Variants in RFX3 observed in about 807,000 individuals in gnomAD.
The protein encoded by RFX3 is transcription factor RFX3.
Under a neutral mutation model 98.6 loss-of-function variants are expected in RFX3, and 14 were observed. The observed-to-expected ratio is 0.14, with a 90% CI of 0.09 to 0.22. The LOEUF (loss-of-function observed/expected upper bound fraction) is 0.22. Among genes scored for constraint, RFX3 ranks in the 10% least tolerant of loss-of-function variants. The probability of loss-of-function intolerance (pLI) is 1.00; values close to 1 mark genes in which losing one functional copy is unlikely to be tolerated. For synonymous variants in RFX3, 383 were observed against 328.4 expected (o/e 1.17, Z -1.80); for missense variants, 639 against 926.9 (o/e 0.69, Z 4.03).
At chr9:3,339,679 C>T (rs557893922) in intron 3 of RFX3, among the ~76,000 whole-genome samples, 3 of 152,200 alleles carry the variant, frequency 2.0e-5, no homozygotes, top group South Asian at 4.2e-4. Flanking sequence ...AGGTCCCCGC[C>T]CACATGAAGC....
chr9:3,261,565 G>C (rs554525258), intron 13 of RFX3, among the ~76,000 whole-genome samples: 2 of 152,192 alleles, frequency 1.3e-5, no homozygotes, highest in Non-Finnish European at 2.9e-5. Context: ...CATTTGGGTT[G>C]TTTCTGCTTT....
chr9:3,284,591 T>G (rs1387442907), intron 7 of RFX3, among the ~76,000 whole-genome samples: 1 of 151,684 alleles, frequency 6.6e-6, no homozygotes, highest in African/African-American at 2.4e-5. Context: ...TGTGTTAGGC[T>G]AGATTTTAGT....
chr9:3,386,909 C>T (rs905455831), intron 2 of RFX3, among the ~76,000 whole-genome samples: 1 of 152,102 alleles, frequency 6.6e-6, no homozygotes, highest in African/African-American at 2.4e-5. Flanking sequence ...GGAGGGGACA[C>T]ATATGAAGGT....
chr9:3,411,079 A>C (rs1164907553), intron 1 of RFX3, among the ~76,000 whole-genome samples: 3 of 152,226 alleles, frequency 2.0e-5, no homozygotes, highest in African/African-American at 7.2e-5. Context: ...TCAAAATTAC[A>C]CACAAATATG....
intron 1 of RFX3, among the ~76,000 whole-genome samples, chr9:3,429,002 T>G (rs1420973856): frequency 6.6e-6 from 1 of 151,710 alleles, no homozygotes; most frequent in African/African-American, 2.4e-5. Context: ...CTTTAAAACA[T>G]TTCTTTTTAA....
chr9:3,489,539 T>C, intron 1 of RFX3: 1 of 317,346 alleles, frequency 3.2e-6, no homozygotes, highest in Non-Finnish European at 4.6e-6. Context: ...ACCAAATACT[T>C]AATATCTACT....
At chr9:3,464,830 C>A (rs1848050669) in intron 1 of RFX3, among the ~76,000 whole-genome samples, 2 of 152,026 alleles carry the variant, frequency 1.3e-5, no homozygotes, top group African/African-American at 2.4e-5. Flanking sequence ...GACTTTTATA[C>A]TGGTGGGAAT....
chr9:3,522,122 G>C (rs752242548), intron 1 of RFX3, among the ~76,000 whole-genome samples: 6 of 151,790 alleles, frequency 4.0e-5, no homozygotes, highest in Non-Finnish European at 8.8e-5. Flanking sequence ...ACCTGCTTTA[G>C]ACAGCCCTTT....
In RFX3 at chr9:3,395,535, T is replaced by C. The variant is rs767396828; in HGVS notation, c.54A>G (p.Thr18=). Residue 18 remains threonine (T), a synonymous_variant, in exon 2 of 17, where the codon ACA becomes ACG. Coordinates refer to ENST00000617270, the MANE Select transcript of RFX3 (RefSeq NM_001282116.2). The part of the protein sequence containing the change: ...SDTGSTVTLQ[T]SVASQAAVPT... ...GCACTGCTGCTTGACTAGCCACAGA[T>C]GTTTGTAAGGTCACTGTCGAGCCTG... 41 of 1,614,046 alleles carry C rather than the reference T, an allele frequency of 2.5e-5. No homozygotes were observed. Among genetic ancestry groups the C allele is most frequent in the East Asian group, 8.9e-5 (4 of 44,896 alleles).
chr9:3,258,798 T>C (rs554083617), intron 13 of RFX3, among the ~76,000 whole-genome samples: 4 of 151,738 alleles, frequency 2.6e-5, no homozygotes, highest in East Asian at 3.9e-4. Flanking sequence ...TTTATGCATA[T>C]ATCATCATAT....
At chr9:3,330,551 C>T in intron 3 of RFX3, 34 bp from the exon 4 acceptor site, 1 of 1,564,256 alleles carries the variant, frequency 6.4e-7, no homozygotes, top group South Asian at 1.2e-5. Flanking sequence ...AATTTACTAG[C>T]TTATTTATGT....
chr9:3,435,943 T>G (rs1228198566), intron 1 of RFX3, among the ~76,000 whole-genome samples: 1 of 151,988 alleles, frequency 6.6e-6, no homozygotes. Context: ...CCAGTTGGTC[T>G]ACATTTTCTC....
intron 4 of RFX3, among the ~76,000 whole-genome samples, chr9:3,323,567 T>A (rs1418736439): frequency 6.6e-6 from 1 of 152,134 alleles, no homozygotes; most frequent in Non-Finnish European, 1.5e-5. Flanking sequence ...GAGGTACAGG[T>A]TACTTTAATA....
At chr9:3,352,742 A>G (rs1160993595) in intron 2 of RFX3, among the ~76,000 whole-genome samples, 1 of 152,132 alleles carries the variant, frequency 6.6e-6, no homozygotes, top group Non-Finnish European at 1.5e-5. Context: ...GATCCTTAAG[A>G]GAATGGACAC....
chr9:3,521,481 A>G (rs1469963914), intron 1 of RFX3, among the ~76,000 whole-genome samples: 1 of 152,184 alleles, frequency 6.6e-6, no homozygotes, highest in Non-Finnish European at 1.5e-5. Context: ...TCTTAGTGAT[A>G]ATAATCTCAT....
chr9:3,478,983 G>C (rs1176300536), intron 1 of RFX3, among the ~76,000 whole-genome samples: 1 of 152,096 alleles, frequency 6.6e-6, no homozygotes, highest in Non-Finnish European at 1.5e-5. Flanking sequence ...TTTTCCCAGG[G>C]AGCTGCAAGT....
intron 1 of RFX3, among the ~76,000 whole-genome samples, chr9:3,494,604 T>A (rs945419714): frequency 1.1e-4 from 17 of 152,092 alleles, no homozygotes; most frequent in Non-Finnish European, 1.9e-4. Flanking sequence ...CCCATCTGAT[T>A]AGAAAATAAA....
intron 2 of RFX3, chr9:3,364,374 G>A: frequency 4.9e-6 from 1 of 204,668 alleles, no homozygotes; most frequent in Non-Finnish European, 9.9e-6. Context: ...CTTCCCTATT[G>A]CCAGCATCTC....
At chr9:3,369,864 C>G (rs1253264964) in intron 2 of RFX3, among the ~76,000 whole-genome samples, 1 of 152,102 alleles carries the variant, frequency 6.6e-6, no homozygotes, top group African/African-American at 2.4e-5. Context: ...GAGTCTTGAT[C>G]TGTCGCCCAG....
Sources: allele counts gnomAD v4.1 joint callset (sites outside exome capture counted in the v4.1 genomes callset), GRCh38; gene constraint gnomAD v4.1.1; transcripts MANE v1.5; gene names NCBI Gene and HGNC (gene_info 2026-07-23, HGNC 2026-07-21).